Variants in GNPTAB observed in about 807,000 individuals in gnomAD.
The protein encoded by GNPTAB is N-acetylglucosamine-1-phosphate transferase subunits alpha and beta.
In GNPTAB, 92 loss-of-function variants were observed where a neutral mutation model predicts 136.6. That is an observed-to-expected ratio of 0.67 (90% CI 0.57 to 0.80). The LOEUF (loss-of-function observed/expected upper bound fraction) is 0.80, where lower values mean the gene tolerates loss of function less well. Among genes scored for constraint, GNPTAB ranks in the 30% least tolerant of loss-of-function variants. GNPTAB has a pLI of 0.00. For synonymous variants in GNPTAB, 512 were observed against 535.1 expected (o/e 0.96, Z 0.60); for missense variants, 1,343 against 1,501.8 (o/e 0.89, Z 1.75).
intron 12 of GNPTAB, chr12:101,765,801 T>A (rs1594215330): frequency 2.4e-6 from 1 of 410,122 alleles, no homozygotes; most frequent in East Asian, 5.2e-5. Flanking sequence ...ATTATTGATA[T>A]CCTTTTTTGT....
chr12:101,780,390 T>A, intron 6 of GNPTAB, 104 bp from the exon 7 acceptor site: 1 of 1,286,904 alleles, frequency 7.8e-7, no homozygotes, highest in Non-Finnish European at 1.1e-6. Flanking sequence ...AACACAAGCT[T>A]CAAAATATGA....
At chr12:101,792,602 C>A (rs560050617) in intron 2 of GNPTAB, among the ~76,000 whole-genome samples, 26 of 152,262 alleles carry the variant, frequency 1.7e-4, no homozygotes, top group African/African-American at 6.3e-4. Flanking sequence ...TTCTTTCTTT[C>A]ATGCTTCCTT....
At chr12:101,792,438 T>C (rs149377489) in intron 2 of GNPTAB, among the ~76,000 whole-genome samples, 5 of 152,344 alleles carry the variant, frequency 3.3e-5, no homozygotes, top group South Asian at 2.1e-4. Context: ...AAATGTCTTG[T>C]CAAGTTTCAC....
At chr12:101,768,600 A>G (rs1331420110) in intron 10 of GNPTAB, among the ~76,000 whole-genome samples, 3 of 152,300 alleles carry the variant, frequency 2.0e-5, no homozygotes, top group Non-Finnish European at 4.4e-5. Flanking sequence ...CTCAAGGCTG[A>G]GAGACAATAT....
intron 1 of GNPTAB, among the ~76,000 whole-genome samples, chr12:101,803,895 T>G (rs1249132549): frequency 6.6e-6 from 1 of 152,070 alleles, no homozygotes; most frequent in Non-Finnish European, 1.5e-5. Context: ...AAGATTTGTT[T>G]GCCAGTTGGG....
At chr12:101,783,246 C>G (rs1868446330) in intron 5 of GNPTAB, among the ~76,000 whole-genome samples, 1 of 152,006 alleles carries the variant, frequency 6.6e-6, no homozygotes, top group Non-Finnish European at 1.5e-5. Flanking sequence ...ATTAAACAGA[C>G]AGTCCTGCTC....
intron 1 of GNPTAB, among the ~76,000 whole-genome samples, chr12:101,814,311 A>G (rs1375522098): frequency 6.6e-6 from 1 of 151,966 alleles, no homozygotes; most frequent in Non-Finnish European, 1.5e-5. Context: ...AAAAAAAAAA[A>G]TTATTGAGAA....
intron 7 of GNPTAB, chr12:101,773,308 C>T: frequency 4.1e-6 from 1 of 246,034 alleles, no homozygotes. Flanking sequence ...CTTCACCCCC[C>T]ATGCTCTCCA....
intron 1 of GNPTAB, among the ~76,000 whole-genome samples, chr12:101,813,982 G>A (rs1451389099): frequency 1.3e-5 from 2 of 152,244 alleles, no homozygotes; most frequent in African/African-American, 4.8e-5. Flanking sequence ...GGGAGGCTGA[G>A]GCAGAAGAAT....
intron 1 of GNPTAB, among the ~76,000 whole-genome samples, chr12:101,811,607 G>A (rs1190596759): frequency 1.3e-5 from 2 of 151,332 alleles, no homozygotes; most frequent in East Asian, 1.9e-4. Context: ...CGGAGAAGGA[G>A]GAAGAGAGCA....
chr12:101,760,005 C>T (rs1952967186), intron 16 of GNPTAB, 25 bp downstream of exon 16: 2 of 1,297,638 alleles, frequency 1.5e-6, no homozygotes, highest in South Asian at 2.4e-5. Context: ...TTCTGTTGTA[C>T]ATAAAAGTAA....
At chr12:101,747,769 G>C (rs1952756101) in intron 20 of GNPTAB, among the ~76,000 whole-genome samples, 1 of 151,374 alleles carries the variant, frequency 6.6e-6, no homozygotes, top group Admixed American at 6.6e-5. Context: ...GTTTGTGAAG[G>C]TGGCAGGTAT....
chr12:101,774,139 A>C (rs1191126267), intron 7 of GNPTAB, among the ~76,000 whole-genome samples: 1 of 152,216 alleles, frequency 6.6e-6, no homozygotes, highest in Non-Finnish European at 1.5e-5. Context: ...AGACAGAGGG[A>C]GAACTAAATG....
intron 19 of GNPTAB, among the ~76,000 whole-genome samples, chr12:101,750,618 T>G (rs990160152): frequency 6.6e-6 from 1 of 152,210 alleles, no homozygotes; most frequent in African/African-American, 2.4e-5. Flanking sequence ...CAAATTGAAT[T>G]TGGGGAGTTA....
chr12:101,785,188 T>C (rs530983952), intron 5 of GNPTAB, among the ~76,000 whole-genome samples: 1 of 152,326 alleles, frequency 6.6e-6, no homozygotes, highest in East Asian at 1.9e-4. Context: ...CGTCACATGG[T>C]GGAGAGCAGA....
chr12:101,753,852 A>C (rs540190170), intron 18 of GNPTAB, among the ~76,000 whole-genome samples: 1 of 152,314 alleles, frequency 6.6e-6, no homozygotes, highest in South Asian at 2.1e-4. Flanking sequence ...GTTGGCAGCT[A>C]GCAAAGACAA....
intron 2 of GNPTAB, among the ~76,000 whole-genome samples, chr12:101,791,399 G>A (rs896289602): frequency 6.6e-6 from 1 of 151,700 alleles, no homozygotes; most frequent in Non-Finnish European, 1.5e-5. Flanking sequence ...GGGCCACAGT[G>A]GGAGAAGAAT....
At position 101,830,210 on chromosome 12, in the gene GNPTAB, T is replaced by A. The variant is rs148722233; in HGVS notation, c.117+349A>T. On this transcript the variant is annotated intron_variant, in intron 1 of 20. Transcript: ENST00000299314. ...GACTTCCAGACCAACCTGGGCAACA[T>A]AGGGAGACCTCCGTCTCTATTTTTA... Among the ~76,000 whole-genome samples the A allele has an allele frequency of 3.0e-4, 45 of 152,238 alleles. No homozygotes were observed. In the East Asian group the frequency reaches 7.5e-3, roughly 25 times the overall value.
chr12:101,749,589 C>T (rs754344650), intron 19 of GNPTAB, among the ~76,000 whole-genome samples: 5 of 152,164 alleles, frequency 3.3e-5, no homozygotes, highest in African/African-American at 4.8e-5. Context: ...AAAACTGAGG[C>T]GTTGCTGACA....
Sources: gnomAD v4.1 joint callset for allele counts (sites outside exome capture counted in the v4.1 genomes callset) on GRCh38, gnomAD v4.1.1 for gene constraint, MANE v1.5 for transcripts, NCBI Gene and HGNC (gene_info 2026-07-23, HGNC 2026-07-21) for gene names.